Variants in ABTB3 observed in about 807,000 individuals in gnomAD.
ABTB3 encodes the protein ankyrin repeat- and BTB/POZ domain-containing protein 3.
the ABTB3 span, chr12:107,618,076 C>A: frequency 1.5e-6 from 2 of 1,366,426 alleles, no homozygotes; most frequent in Non-Finnish European, 1.0e-6. Flanking sequence ...TGGTCCCCTG[C>A]TTCCCCAGCC....
At chr12:107,560,615 A>C in the ABTB3 span, among the ~76,000 whole-genome samples, 2 of 152,122 alleles carry the variant, frequency 1.3e-5, no homozygotes, top group Non-Finnish European at 2.9e-5. Flanking sequence ...CCAGAGACTG[A>C]CTCTAAAAAA....
the ABTB3 span, among the ~76,000 whole-genome samples, chr12:107,408,633 A>G: frequency 2.0e-5 from 3 of 152,208 alleles, no homozygotes; most frequent in Non-Finnish European, 4.4e-5. Flanking sequence ...GATGAGTGTA[A>G]TGAGGGTCTG....
chr12:107,436,088 T>C, the ABTB3 span, among the ~76,000 whole-genome samples: 2 of 152,236 alleles, frequency 1.3e-5, no homozygotes, highest in African/African-American at 4.8e-5. Context: ...TAGAACCCAC[T>C]GGCTGTGCCA....
the ABTB3 span, among the ~76,000 whole-genome samples, chr12:107,479,323 G>T: frequency 6.6e-6 from 1 of 151,888 alleles, no homozygotes; most frequent in South Asian, 2.1e-4. Context: ...CACACCCCCT[G>T]TTAGGGCACG....
chr12:107,618,069 T>A, the ABTB3 span: 7 of 1,245,448 alleles, frequency 5.6e-6, no homozygotes, highest in Admixed American at 2.0e-5. Context: ...AAGCTAGTGG[T>A]CCCCTGCTTC....
At chr12:107,331,891 C>A in the ABTB3 span, among the ~76,000 whole-genome samples, 10 of 152,216 alleles carry the variant, frequency 6.6e-5, no homozygotes, top group South Asian at 2.1e-4. Flanking sequence ...GGCCTCCCCC[C>A]CGCCCCACCT....
At chr12:107,489,425 C>T in the ABTB3 span, among the ~76,000 whole-genome samples, 1 of 152,130 alleles carries the variant, frequency 6.6e-6, no homozygotes, top group African/African-American at 2.4e-5. Context: ...GAGGCTGAGG[C>T]AGGAGAATCA....
the ABTB3 span, among the ~76,000 whole-genome samples, chr12:107,430,828 T>A: frequency 6.6e-6 from 1 of 152,262 alleles, no homozygotes; most frequent in East Asian, 1.9e-4. Flanking sequence ...TATTCAAAGA[T>A]AATTGCTCAT....
chr12:107,367,673 T>G, the ABTB3 span, among the ~76,000 whole-genome samples: 62 of 152,070 alleles, frequency 4.1e-4, no homozygotes, highest in Middle Eastern at 3.4e-3. Context: ...CCTGGCTAAT[T>G]TTTTGTATTT....
chr12:107,400,609 T>G, the ABTB3 span, among the ~76,000 whole-genome samples: 1 of 152,178 alleles, frequency 6.6e-6, no homozygotes, highest in African/African-American at 2.4e-5. Context: ...CTTCCTGCCA[T>G]GTGTGAACAT....
At chr12:107,427,300 G>T in the ABTB3 span, among the ~76,000 whole-genome samples, 2 of 149,948 alleles carry the variant, frequency 1.3e-5, no homozygotes, top group Admixed American at 1.3e-4. Context: ...TTTTTTTAAA[G>T]AAACAGGATC....
chr12:107,426,239 C>A, the ABTB3 span, among the ~76,000 whole-genome samples: 6 of 152,210 alleles, frequency 3.9e-5, no homozygotes, highest in African/African-American at 1.4e-4. Context: ...CCCGCTGGCC[C>A]CATTGTGTCT....
chr12:107,551,321 T>A, the ABTB3 span, among the ~76,000 whole-genome samples: 8 of 152,132 alleles, frequency 5.3e-5, no homozygotes, highest in Admixed American at 4.6e-4. Context: ...AACCACCATA[T>A]AAATGATTCC....
At chr12:107,357,073 C>A in the ABTB3 span, among the ~76,000 whole-genome samples, 1 of 152,230 alleles carries the variant, frequency 6.6e-6, no homozygotes, top group Non-Finnish European at 1.5e-5. Flanking sequence ...TGAATTACAG[C>A]TTTGGGAAGT....
chr12:107,553,425 C>A, the ABTB3 span, among the ~76,000 whole-genome samples: 1 of 152,122 alleles, frequency 6.6e-6, no homozygotes, highest in Admixed American at 6.5e-5. Flanking sequence ...CACATTGGGG[C>A]AACTCTATAA....
chr12:107,383,888 A>C, the ABTB3 span, among the ~76,000 whole-genome samples: 3 of 152,218 alleles, frequency 2.0e-5, no homozygotes. Flanking sequence ...CCATCTGCTC[A>C]GGGCCTTTCA....
At chr12:107,527,287 T>C in the ABTB3 span, among the ~76,000 whole-genome samples, 3 of 152,156 alleles carry the variant, frequency 2.0e-5, no homozygotes, top group African/African-American at 7.2e-5. Context: ...ACTTTTTTTT[T>C]TGAGACGGAG....
the ABTB3 span, among the ~76,000 whole-genome samples, chr12:107,328,343 G>A: frequency 8.9e-4 from 136 of 152,332 alleles, 3 homozygotes; most frequent in African/African-American, 3.1e-3. Flanking sequence ...CATAATGAAT[G>A]TGAAACGTTG....
chr12:107,643,787 A>G, the ABTB3 span, among the ~76,000 whole-genome samples: 1 of 131,054 alleles, frequency 7.6e-6, no homozygotes, highest in Admixed American at 8.4e-5. Context: ...AGAGAGAGAG[A>G]GGGTCTGGCT....
Sources: gnomAD v4.1 joint callset for allele counts (sites outside exome capture counted in the v4.1 genomes callset) on GRCh38, gnomAD v4.1.1 for gene constraint, MANE v1.5 for transcripts, NCBI Gene and HGNC (gene_info 2026-07-23, HGNC 2026-07-21) for gene names.